TBC1D15: variants seen among roughly 807,000 people sequenced by gnomAD.
The protein encoded by TBC1D15 is GAP for RAB7.
TBC1D15 carries 39 observed loss-of-function variants against 95.4 expected under a neutral mutation model. The observed-to-expected ratio is 0.41, with a 90% CI of 0.32 to 0.53. The LOEUF (loss-of-function observed/expected upper bound fraction) is 0.53. Ranked by LOEUF, TBC1D15 falls within the 20% of genes least tolerant of loss-of-function variation. TBC1D15 has a pLI of 0.29. For synonymous variants in TBC1D15, 258 were observed against 261.3 expected (o/e 0.99, Z 0.12); for missense variants, 733 against 794.3 (o/e 0.92, Z 0.93).
chr12:71,858,860 GT>G (rs1889740937), intron 1 of TBC1D15, among the ~76,000 whole-genome samples: 1 of 151,776 alleles, frequency 6.6e-6, no homozygotes, highest in Non-Finnish European at 1.5e-5. Flanking sequence ...CCTGGCCACT[GT>G]TTTTAGTTTT....
chr12:71,903,570 A>G (rs1899955152), intron 10 of TBC1D15, among the ~76,000 whole-genome samples: 1 of 152,224 alleles, frequency 6.6e-6, no homozygotes, highest in African/African-American at 2.4e-5. Flanking sequence ...ATGCACATGT[A>G]TGTTCATAGC....
chr12:71,862,027 G>A (rs867814628), intron 1 of TBC1D15, among the ~76,000 whole-genome samples: 2 of 151,802 alleles, frequency 1.3e-5, no homozygotes, highest in Non-Finnish European at 2.9e-5. Flanking sequence ...ATTTCATTAG[G>A]GTCAGAAAAG....
intron 1 of TBC1D15, among the ~76,000 whole-genome samples, chr12:71,857,854 C>G (rs548893068): frequency 6.6e-6 from 1 of 152,274 alleles, no homozygotes; most frequent in Middle Eastern, 3.4e-3. Flanking sequence ...TTTCCACAAC[C>G]CTTCTCTGCC....
chr12:71,896,379 G>A, intron 8 of TBC1D15: 3 of 429,696 alleles, frequency 7.0e-6, no homozygotes, highest in Non-Finnish European at 1.2e-5. Flanking sequence ...CTGCATTCCA[G>A]TGGCATTTGC....
chr12:71,907,178 T>C, intron 11 of TBC1D15, 40 bp downstream of exon 11: 1 of 1,239,460 alleles, frequency 8.1e-7, no homozygotes, highest in Non-Finnish European at 1.1e-6. Flanking sequence ...GATGTAAATA[T>C]ATTTACTTTA....
At chr12:71,904,245 T>G (rs1900136401) in intron 10 of TBC1D15, among the ~76,000 whole-genome samples, 1 of 152,162 alleles carries the variant, frequency 6.6e-6, no homozygotes, top group African/African-American at 2.4e-5. Flanking sequence ...TTATTTAAAT[T>G]GACCATTGCA....
intron 6 of TBC1D15, among the ~76,000 whole-genome samples, chr12:71,893,797 G>T (rs1267262018): frequency 1.3e-5 from 2 of 151,938 alleles, no homozygotes; most frequent in African/African-American, 2.4e-5. Context: ...ATAATAGGCA[G>T]AAGTAAATTT....
chr12:71,893,818 C>T (rs781142760), intron 6 of TBC1D15, among the ~76,000 whole-genome samples: 32 of 151,918 alleles, frequency 2.1e-4, no homozygotes, highest in Non-Finnish European at 4.1e-4. Context: ...AATTATCACT[C>T]AGATGACTAT....
chr12:71,895,563 T>A (rs1898005545), intron 7 of TBC1D15, among the ~76,000 whole-genome samples: 1 of 152,130 alleles, frequency 6.6e-6, no homozygotes, highest in Non-Finnish European at 1.5e-5. Context: ...ATATGATTAA[T>A]GGAATAATTA....
At chr12:71,908,724 T>C (rs1392648537) in intron 11 of TBC1D15, among the ~76,000 whole-genome samples, 1 of 152,198 alleles carries the variant, frequency 6.6e-6, no homozygotes, top group Non-Finnish European at 1.5e-5. Context: ...TAGAGTGCTT[T>C]TCAGGTTACA....
At chr12:71,864,787 G>A (rs1409834682) in intron 1 of TBC1D15, among the ~76,000 whole-genome samples, 2 of 152,200 alleles carry the variant, frequency 1.3e-5, no homozygotes, top group African/African-American at 4.8e-5. Flanking sequence ...TTACAGGCGT[G>A]AGCCACCGTG....
intron 3 of TBC1D15, among the ~76,000 whole-genome samples, chr12:71,879,131 C>T (rs1894601322): frequency 6.7e-6 from 1 of 149,342 alleles, no homozygotes; most frequent in South Asian, 2.1e-4. Context: ...GTCTCTCTCT[C>T]TCTCTTTTTT....
At chr12:71,907,439 C>A in intron 11 of TBC1D15, 1 of 181,282 alleles carries the variant, frequency 5.5e-6, no homozygotes, top group Non-Finnish European at 1.2e-5. Flanking sequence ...TAGATCATTA[C>A]ATTCTTTTTG....
intron 1 of TBC1D15, among the ~76,000 whole-genome samples, chr12:71,862,683 A>T (rs989669676): frequency 6.6e-6 from 1 of 152,060 alleles, no homozygotes; most frequent in African/African-American, 2.4e-5. Flanking sequence ...TCATTTCGTT[A>T]ATTGTTTCTG....
At chr12:71,900,282 G>A (rs1566041863) in intron 10 of TBC1D15, among the ~76,000 whole-genome samples, 3 of 152,228 alleles carry the variant, frequency 2.0e-5, no homozygotes, top group South Asian at 2.1e-4. Flanking sequence ...AATATCCATG[G>A]AAACATGTGC....
chr12:71,869,634 A>T (rs1035171960), intron 1 of TBC1D15, among the ~76,000 whole-genome samples: 18 of 152,226 alleles, frequency 1.2e-4, no homozygotes, highest in African/African-American at 4.1e-4. Context: ...AGGATAGAAA[A>T]TAGATACATA....
chr12:71,868,563 A>G (rs1025047554), intron 1 of TBC1D15, among the ~76,000 whole-genome samples: 2 of 151,954 alleles, frequency 1.3e-5, no homozygotes, highest in African/African-American at 4.8e-5. Context: ...ACTTTTTTGT[A>G]AGGTGTCTGT....
intron 5 of TBC1D15, 49 bp from the exon 6 acceptor site, chr12:71,893,173 A>G (rs746092871): frequency 9.0e-7 from 1 of 1,110,160 alleles, no homozygotes; most frequent in Admixed American, 2.6e-5. Flanking sequence ...TCATGTAGTA[A>G]TTGATACAGT....
intron 11 of TBC1D15, among the ~76,000 whole-genome samples, chr12:71,909,820 A>G (rs903264551): frequency 5.9e-5 from 9 of 152,260 alleles, no homozygotes; most frequent in Non-Finnish European, 1.2e-4. Flanking sequence ...TGATTAAGAT[A>G]TGCATCATTC....
Sources: gnomAD v4.1 joint callset for allele counts (sites outside exome capture counted in the v4.1 genomes callset) on GRCh38, gnomAD v4.1.1 for gene constraint, MANE v1.5 for transcripts, NCBI Gene and HGNC (gene_info 2026-07-23, HGNC 2026-07-21) for gene names.